Variants in SEL1L2 observed in about 807,000 individuals in gnomAD.
The protein encoded by SEL1L2 is protein sel-1 homolog 2.
SEL1L2 carries 89 observed loss-of-function variants against 98.8 expected under a neutral mutation model. The observed-to-expected ratio is 0.90, with a 90% CI of 0.76 to 1.07. SEL1L2 has a LOEUF of 1.07. Among genes scored for constraint, SEL1L2 ranks in the 50% least tolerant of loss-of-function variants. SEL1L2 has a pLI of 0.00. For missense variants in SEL1L2, 788 were observed against 812.0 expected, an observed-to-expected ratio of 0.97 and a Z score of 0.36; for synonymous variants, 262 against 278.5, an observed-to-expected ratio of 0.94 and a Z score of 0.59.
chr20:13,870,559 G>A (rs1052776947), intron 12 of SEL1L2, among the ~76,000 whole-genome samples: 1 of 152,122 alleles, frequency 6.6e-6, no homozygotes, highest in African/African-American at 2.4e-5. Context: ...AGGGGGCTCT[G>A]AGCCATATCA....
At position 13,945,031 on chromosome 20, in the gene SEL1L2, C is replaced by A. The variant is rs567101813; in HGVS notation, c.114+11045G>T. Among the ~76,000 whole-genome samples, 6 of 152,228 alleles carry A rather than the reference C, an allele frequency of 3.9e-5. No individual in the cohort carries two copies. The East Asian group carries it at 1.2e-3, about 29-fold the overall frequency. On this transcript the variant is annotated intron_variant, in intron 2 of 19. Transcript: ENST00000284951. ...TTCTCTTTTCCCAGCCATGTTCAGC[C>A]ACCCAGAAGGAGGAATTGAGTAGAT...
chr20:13,957,515 T>C (rs768985073), intron 1 of SEL1L2, among the ~76,000 whole-genome samples: 1 of 152,220 alleles, frequency 6.6e-6, no homozygotes, highest in Non-Finnish European at 1.5e-5. Flanking sequence ...CTAGACCTTA[T>C]AGGAACTGGT....
chr20:13,893,787 C>T (rs6042419), intron 5 of SEL1L2, among the ~76,000 whole-genome samples: 11,831 of 152,204 alleles, frequency 0.078, 490 homozygotes, highest in African/African-American at 0.099. Flanking sequence ...GGACAGAAAA[C>T]AAGTCTCAAC....
chr20:13,952,118 T>G (rs62207713), intron 2 of SEL1L2, among the ~76,000 whole-genome samples: 9,733 of 152,248 alleles, frequency 0.064, 352 homozygotes, highest in Non-Finnish European at 0.073. Context: ...TCACAAGACA[T>G]GCTTTTCTCT....
In SEL1L2 at chr20:13,888,446, G is replaced by C; in HGVS notation, c.603+13C>G. 6.6e-7 allele frequency: 1 copy of C among 1,513,870 alleles called. No homozygotes were observed. 93.8% of individuals were successfully genotyped at this position (1,513,870 alleles called of 1,614,324 possible). A position where few individuals can be genotyped will look rare whatever the true frequency, so the allele number is the denominator to read the frequency against. ...ATCAATTTTGTTCCAGAATAAAACA[G>C]AATGATCTTTACCTTAGCTTGATCA... On this transcript the variant is annotated intron_variant, in intron 6 of 19. Transcript: ENST00000284951.
chr20:13,932,254 AAG>A (rs1356266924), intron 2 of SEL1L2, among the ~76,000 whole-genome samples: 6 of 152,088 alleles, frequency 3.9e-5, no homozygotes, highest in Non-Finnish European at 7.4e-5. Flanking sequence ...AATCTTTTTT[AAG>A]TAGGGTAATA....
chr20:13,983,081 A>AC, intron 1 of SEL1L2, among the ~76,000 whole-genome samples: 1 of 147,354 alleles, frequency 6.8e-6, no homozygotes, highest in Non-Finnish European at 1.5e-5. Flanking sequence ...GAAGAGAGAA[A>AC]AAAACACATG....
chr20:13,930,804 A>G (rs2049110560), intron 3 of SEL1L2, among the ~76,000 whole-genome samples: 1 of 151,986 alleles, frequency 6.6e-6, no homozygotes, highest in Non-Finnish European at 1.5e-5. Context: ...ATGGTTCTCA[A>G]TTTCTATCTA....
intron 17 of SEL1L2, among the ~76,000 whole-genome samples, chr20:13,862,781 G>A (rs190849098): frequency 7.2e-4 from 109 of 151,920 alleles, no homozygotes; most frequent in Middle Eastern, 6.8e-3. Flanking sequence ...TCAATCTCCC[G>A]GGCTCAAGAG....
chr20:13,905,919 G>C (rs991444901), intron 5 of SEL1L2, among the ~76,000 whole-genome samples: 3 of 143,194 alleles, frequency 2.1e-5, no homozygotes, highest in African/African-American at 7.9e-5. Context: ...TTGACGCCCA[G>C]GCTGGAATGC....
intron 2 of SEL1L2, among the ~76,000 whole-genome samples, chr20:13,951,066 G>T (rs1460838424): frequency 6.6e-6 from 1 of 151,914 alleles, no homozygotes; most frequent in Non-Finnish European, 1.5e-5. Flanking sequence ...CACAAGGTCA[G>T]GAGATCGAGA....
At chr20:13,860,082 C>A (rs1989857311) in intron 17 of SEL1L2, among the ~76,000 whole-genome samples, 1 of 152,104 alleles carries the variant, frequency 6.6e-6, no homozygotes. Context: ...GAAGTTGGAC[C>A]CCATCCCTCC....
In SEL1L2 at chr20:13,919,209, A is replaced by G. The variant is rs202026136; in HGVS notation, c.284-86T>C. 7 of 786,784 alleles carry G rather than the reference A, an allele frequency of 8.9e-6. No individual in the cohort carries two copies. In the East Asian group the frequency reaches 1.6e-4, roughly 18 times the overall value. 48.7% of individuals were successfully genotyped at this position (786,784 alleles called of 1,614,324 possible). ...TAATGTGCTAAAGTAATTTGTTGGC[A>G]TATTAGAGTTCTGTTCTACTTATTT... On this transcript the variant is annotated intron_variant, in intron 3 of 19. Coordinates refer to ENST00000284951, the MANE Select transcript of SEL1L2 (RefSeq NM_025229.2).
chr20:13,857,380 A>C (rs1311621022), intron 18 of SEL1L2, among the ~76,000 whole-genome samples: 2 of 152,222 alleles, frequency 1.3e-5, no homozygotes, highest in African/African-American at 2.4e-5. Flanking sequence ...CGTGTGTCTC[A>C]ACAACTACTA....
At chr20:13,993,982 T>A (rs564946873), upstream of SEL1L2, among the ~76,000 whole-genome samples, 3 of 152,262 alleles carry the variant, frequency 2.0e-5, no homozygotes, top group South Asian at 6.2e-4. Flanking sequence ...TCTTTATTTA[T>A]CCCAAATCTA....
At chr20:13,941,689 C>T (rs187644381) in intron 2 of SEL1L2, among the ~76,000 whole-genome samples, 119 of 152,266 alleles carry the variant, frequency 7.8e-4, no homozygotes, top group Non-Finnish European at 1.2e-3. Context: ...AGTCTTCCCC[C>T]AACCCCCTAA....
intron 5 of SEL1L2, among the ~76,000 whole-genome samples, chr20:13,890,305 G>C (rs1885314527): frequency 6.6e-6 from 1 of 152,006 alleles, no homozygotes; most frequent in African/African-American, 2.4e-5. Context: ...AGGGGCTACT[G>C]AGAACAAAAG....
intron 1 of SEL1L2, among the ~76,000 whole-genome samples, chr20:13,964,018 C>T (rs1182964988): frequency 2.0e-5 from 3 of 151,682 alleles, no homozygotes; most frequent in Non-Finnish European, 2.9e-5. Context: ...ATTACAGGCA[C>T]GTGCCACCAC....
intron 17 of SEL1L2, among the ~76,000 whole-genome samples, chr20:13,861,383 C>T (rs1236346327): frequency 2.6e-5 from 4 of 151,748 alleles, no homozygotes; most frequent in Admixed American, 1.3e-4. Flanking sequence ...TGGGCTCAAG[C>T]GATCCTCCCA....
Sources: allele counts gnomAD v4.1 joint callset (sites outside exome capture counted in the v4.1 genomes callset), GRCh38; gene constraint gnomAD v4.1.1; transcripts MANE v1.5; gene names NCBI Gene and HGNC (gene_info 2026-07-23, HGNC 2026-07-21).